Variants in MED16 observed in about 807,000 individuals in gnomAD.
MED16 encodes mediator of RNA polymerase II transcription subunit 16.
Under a neutral mutation model 84.4 loss-of-function variants are expected in MED16, and 81 were observed. That is an observed-to-expected ratio of 0.96 (90% CI 0.80 to 1.15). The LOEUF (loss-of-function observed/expected upper bound fraction) is 1.15. Ranked by LOEUF, MED16 falls within the 50% of genes most tolerant of loss-of-function variation. The probability of loss-of-function intolerance (pLI) is 0.00; values close to 1 mark genes in which losing one functional copy is unlikely to be tolerated. For missense variants in MED16, 1,585 were observed against 1,245.9 expected, an observed-to-expected ratio of 1.27 and a Z score of -4.10; for synonymous variants, 897 against 552.2, an observed-to-expected ratio of 1.62 and a Z score of -8.76.
chr19:869,799 G>C (rs1487763183), intron 13 of MED16, among the ~76,000 whole-genome samples: 1 of 152,216 alleles, frequency 6.6e-6, no homozygotes, highest in Non-Finnish European at 1.5e-5. Context: ...CAGTGGCTCA[G>C]AGGGTTTGCA....
chr19:892,881 A>AGC (rs1282768959), intron 1 of MED16: 3 of 137,948 alleles, frequency 2.2e-5, no homozygotes, highest in East Asian at 4.8e-4. Flanking sequence ...CTGAGCCCCG[A>AGC]GCCCCGCGCC....
Position 873,488 on chromosome 19 carries a change from G to C in MED16, c.1866C>G (p.Gly622=), listed in dbSNP as rs145707212. The change falls in exon 11 of 16, where the codon GGC becomes GGG. Residue 622 remains glycine (G), a synonymous_variant. Coordinates refer to ENST00000325464, the MANE Select transcript of MED16 (RefSeq NM_005481.3). ...TGGCCAGCAGGTACAGCACGAAGTC[G>C]CCCACCCACTGCAAGAGCTGCTGCA... ...QALQQLLQWV[G]DFVLYLLASL... 108 of 1,611,382 alleles carry C rather than the reference G, an allele frequency of 6.7e-5. 1 individual carries two copies. The African/African-American group carries it at 1.3e-3, about 19-fold the overall frequency.
intron 12 of MED16, 129 bp downstream of exon 12, chr19:871,789 GCGGGGAGA>G (rs2036069308): frequency 2.7e-6 from 1 of 369,400 alleles, no homozygotes. Flanking sequence ...AGAGGGGAGA[GCGGGGAGA>G]AGGGAGAGCG....
In MED16 at chr19:873,601, C is replaced by T. The variant is rs112703975; in HGVS notation, c.1772-19G>A. The stretch of plus-strand genomic sequence containing the variant: ...TCAATGTCTACAAGGAGACGTGGGT[C>T]GGGTCAGCTCGGGCCTCTTGTACAC... On this transcript the variant is annotated intron_variant, in intron 10 of 15. Coordinates refer to ENST00000325464, the MANE Select transcript of MED16 (RefSeq NM_005481.3). The T allele has an allele frequency of 8.8e-3, 14,114 of 1,611,100 alleles. 95 individuals are homozygous for T. Among genetic ancestry groups the T allele is most frequent in the South Asian group, 0.019 (1,713 of 90,994 alleles).
At chr19:877,237 G>T (rs1344227719) in intron 8 of MED16, 57 bp from the exon 9 acceptor site, 24 of 1,526,654 alleles carry the variant, frequency 1.6e-5, no homozygotes, top group Middle Eastern at 2.1e-4. Context: ...CCCTCAGCCG[G>T]GAGAGGAATG....
intron 10 of MED16, among the ~76,000 whole-genome samples, 187 bp downstream of exon 10, chr19:875,057 G>C (rs1394743213): frequency 6.6e-6 from 1 of 152,108 alleles, no homozygotes; most frequent in Non-Finnish European, 1.5e-5. Context: ...CCAGCTACTT[G>C]GGAGGCTGAG....
chr19:886,591 CCA>C lies in MED16; in HGVS notation c.448-392_448-391del, dbSNP rs1321131712. 8.5e-5 allele frequency among the ~76,000 whole-genome samples: 13 copies of C among 152,362 alleles called. No individual in the cohort carries two copies. The East Asian group carries it at 2.5e-3, about 29-fold the overall frequency. On this transcript the variant is annotated intron_variant, in intron 4 of 15. Transcript: ENST00000325464. Reference sequence around the variant, plus strand: ...CACACAGGCAGCTGGTGCCAATGAGCCACACTCACAAACCCAGGCGGGGGCCG... The same window carrying C: ...CACACAGGCAGCTGGTGCCAATGAGCCACTCACAAACCCAGGCGGGGGCCG...
At position 876,911 on chromosome 19, in the gene MED16, GGGGCCCCCACCTGCCACA is replaced by G. The variant is rs1250620382; in HGVS notation, c.1560+45_1560+62del. 1,872 of 1,296,604 alleles carry G rather than the reference GGGGCCCCCACCTGCCACA, an allele frequency of 1.4e-3. 40 individuals are homozygous for G. The South Asian group carries it at 0.024, about 17-fold the overall frequency. 80.3% of individuals were successfully genotyped at this position (1,296,604 alleles called of 1,614,324 possible). A position where few individuals can be genotyped will look rare whatever the true frequency, so the allele number is the denominator to read the frequency against. On this transcript the variant is annotated intron_variant, in intron 9 of 15. Coordinates refer to ENST00000325464, the MANE Select transcript of MED16 (RefSeq NM_005481.3). ...CCTGCCACGGGGCCCCACCTGCCAC[GGGGCCCCCACCTGCCACA>G]GGGCCCCCACCTGCCACGGGGCCCC... is the stretch of plus-strand genomic sequence containing the variant.
chr19:880,066 G>C lies in MED16; in HGVS notation c.1224C>G (p.Ser408=), dbSNP rs34799086. Residue 408 remains serine, a synonymous_variant, in exon 8 of 16, where the codon TCC becomes TCG. Transcript: ENST00000325464. Reference sequence around the variant, plus strand: ...GCTCATCCACAGGCCTCGGGGCCGCGGAGCTGTAGAAGACGGCCATGGTCT... The same window carrying C: ...GCTCATCCACAGGCCTCGGGGCCGCCGAGCTGTAGAAGACGGCCATGGTCT... The part of the protein sequence containing the change: ...SLQTMAVFYS[S]AAPRPVDEPA... The C allele has an allele frequency of 1.2e-6, 2 of 1,610,610 alleles. No homozygotes were observed. Among genetic ancestry groups the C allele is most frequent in the Non-Finnish European group, 1.7e-6 (2 of 1,179,152 alleles).
rs137978287 is a variant in MED16, at chr19:885,978, C to A, written c.671G>T (p.Gly224Val). ...ALADIAFTGG[G>V]NIVVATADGS... The stretch of plus-strand genomic sequence containing the variant: ...GTCCGCCGTGGCCACCACGATGTTG[C>A]CGCCGCCGGTGAAGGCGATGTCGGC... The change falls in exon 5 of 16, where the codon GGC becomes GTC. Residue 224 changes from glycine to valine, a missense_variant. Transcript: ENST00000325464. 5 of 1,611,148 alleles carry A rather than the reference C, an allele frequency of 3.1e-6. No individual in the cohort carries two copies. Among genetic ancestry groups the A allele is most frequent in the Non-Finnish European group, 4.2e-6 (5 of 1,179,344 alleles).
rs2036606842 is a variant in MED16, at chr19:890,234, G to A, written c.180C>T (p.Arg60=). 2 of 1,550,740 alleles carry A rather than the reference G, an allele frequency of 1.3e-6. No individual in the cohort carries two copies. The highest frequency in any genetic ancestry group is 1.2e-5 in the South Asian group (1 of 83,854). The part of the protein sequence containing the change: ...DLRSDDQDLT[R]MIHILDTEHP... ...GCTCCGTGTCCAGGATGTGGATCAT[G>A]CGGGTCAGGTCTGTGGGGACGGGGC... The change falls in exon 3 of 16, where the codon CGC becomes CGT. Residue 60 remains arginine, a synonymous_variant. Transcript: ENST00000325464.
intron 6 of MED16, among the ~76,000 whole-genome samples, chr19:882,640 G>C (rs778270193): frequency 6.6e-6 from 1 of 152,248 alleles, no homozygotes; most frequent in Non-Finnish European, 1.5e-5. Flanking sequence ...GCGGCCAGTG[G>C]ACAGGCCACG....
intron 4 of MED16, among the ~76,000 whole-genome samples, chr19:887,642 G>C (rs2036553119): frequency 6.6e-6 from 1 of 152,124 alleles, no homozygotes; most frequent in African/African-American, 2.4e-5. Flanking sequence ...CTCCAGCCCG[G>C]TTGACAGAAC....
At position 876,927 on chromosome 19, in the gene MED16, A is replaced by ACGGGGCCCC. The variant is rs1434019052; in HGVS notation, c.1560+46_1560+47insGGGGCCCCG. 5.9e-6 allele frequency: 9 copies of ACGGGGCCCC among 1,527,588 alleles called. No individual in the cohort carries two copies. The African/African-American group carries it at 1.3e-4, about 21-fold the overall frequency. The allele number at this position is 1,527,588 out of a possible 1,614,324, so 94.6% of individuals were successfully genotyped here. A position where few individuals can be genotyped will look rare whatever the true frequency, so the allele number is the denominator to read the frequency against. On this transcript the variant is annotated intron_variant, in intron 9 of 15. Coordinates refer to ENST00000325464, the MANE Select transcript of MED16 (RefSeq NM_005481.3). ...ACCTGCCACGGGGCCCCCACCTGCCACAGGGCCCCCACCTGCCACGGGGCC... is the reference window on the plus strand; with the variant it reads ...ACCTGCCACGGGGCCCCCACCTGCCACGGGGCCCCCAGGGCCCCCACCTGCCACGGGGCC...
At chr19:878,514 G>A (rs377711766) in intron 8 of MED16, among the ~76,000 whole-genome samples, 12 of 68,436 alleles carry the variant, frequency 1.8e-4, no homozygotes, top group East Asian at 5.8e-4. Context: ...CCAGCCCCAC[G>A]TGCCCCAGCA....
chr19:883,874 C>T (rs2036471703), intron 6 of MED16, among the ~76,000 whole-genome samples: 1 of 152,144 alleles, frequency 6.6e-6, no homozygotes, highest in African/African-American at 2.4e-5. Flanking sequence ...GCCCTGGGGA[C>T]CGGGCGAAGG....
chr19:891,559 C>G (rs1356800882), intron 1 of MED16, among the ~76,000 whole-genome samples: 9 of 152,104 alleles, frequency 5.9e-5, no homozygotes, highest in African/African-American at 2.2e-4. Flanking sequence ...GACAGGCAAG[C>G]GGTGGGGCGG....
rs1263754126 is a variant in MED16 at position 890,270 on chromosome 19, C to T, written c.170-26G>A. ...CTGTGGGGACGGGGCATGGTCAGCA[C>T]GGCCTGGCACCACAGCCTGCAGACG... On this transcript the variant is annotated intron_variant, in intron 2 of 15. Coordinates refer to ENST00000325464, the MANE Select transcript of MED16 (RefSeq NM_005481.3). The T allele has an allele frequency of 1.7e-5, 24 of 1,446,562 alleles. No homozygotes were observed. In the East Asian group the frequency reaches 2.3e-4, roughly 14 times the overall value. The allele number at this position is 1,446,562 out of a possible 1,614,324, so 89.6% of individuals were successfully genotyped here. A position where few individuals can be genotyped will look rare whatever the true frequency, so the allele number is the denominator to read the frequency against.
rs752000848 is a variant in MED16 at position 885,871 on chromosome 19, G to A, written c.778C>T (p.Leu260=). 4 of 1,613,788 alleles carry A rather than the reference G, an allele frequency of 2.5e-6. No homozygotes were observed. The highest frequency in any genetic ancestry group is 2.2e-5 in the East Asian group (1 of 44,878). ...SEKCRIDTEI[L]PSLFMRCTTD... ...GTGCAGCGCATGAACAGGGAGGGCAGGATCTCCGTGTCGATACGGCACTTC... is the reference window on the plus strand; with the variant it reads ...GTGCAGCGCATGAACAGGGAGGGCAAGATCTCCGTGTCGATACGGCACTTC... The change falls in exon 5 of 16, where the codon CTG becomes TTG. Residue 260 remains leucine, a synonymous_variant. Transcript: ENST00000325464.
Sources: gnomAD v4.1 joint callset for allele counts (sites outside exome capture counted in the v4.1 genomes callset) on GRCh38, gnomAD v4.1.1 for gene constraint, MANE v1.5 for transcripts, NCBI Gene and HGNC (gene_info 2026-07-23, HGNC 2026-07-21) for gene names.